Variants in CSMD1 observed in about 807,000 individuals in gnomAD.
CSMD1 encodes the protein CUB and sushi domain-containing protein 1.
A neutral mutation model predicts 417.5 loss-of-function variants in CSMD1; 213 were observed. The observed-to-expected ratio is 0.51, with a 90% confidence interval of 0.46 to 0.57. The LOEUF (loss-of-function observed/expected upper bound fraction) is 0.57, where lower values mean the gene tolerates loss of function less well. Ranked by LOEUF, CSMD1 falls within the 20% of genes least tolerant of loss-of-function variation. The pLI is 0.00. For synonymous variants in CSMD1, 2,862 were observed against 1,736.8 expected, an observed-to-expected ratio of 1.65 and a Z score of -16.11; for missense variants, 6,923 against 4,529.7, an observed-to-expected ratio of 1.53 and a Z score of -15.17.
At chr8:3,583,866 A>T (rs1307536705) in intron 9 of CSMD1, among the ~76,000 whole-genome samples, 2 of 151,838 alleles carry the variant, frequency 1.3e-5, no homozygotes, top group Non-Finnish European at 2.9e-5. Context: ...AGGGTTTCTT[A>T]TCCATCTTAT....
intron 5 of CSMD1, among the ~76,000 whole-genome samples, chr8:3,969,061 G>T (rs776893908): frequency 6.6e-6 from 1 of 152,110 alleles, no homozygotes; most frequent in East Asian, 1.9e-4. Context: ...GACCAGCCTG[G>T]ACAACATGGT....
chr8:3,530,806 G>A (rs1304388688), intron 10 of CSMD1, among the ~76,000 whole-genome samples: 1 of 151,710 alleles, frequency 6.6e-6, no homozygotes, highest in African/African-American at 2.4e-5. Flanking sequence ...TACTATTACA[G>A]GCATGAGCCA....
intron 2 of CSMD1, among the ~76,000 whole-genome samples, chr8:4,459,585 G>A (rs150954332): frequency 6.6e-6 from 1 of 152,216 alleles, no homozygotes; most frequent in Non-Finnish European, 1.5e-5. Context: ...GGAATGGCTA[G>A]TCTAAGATAA....
intron 49 of CSMD1, among the ~76,000 whole-genome samples, chr8:3,065,339 A>C (rs574196609): frequency 1.2e-4 from 19 of 152,168 alleles, no homozygotes; most frequent in African/African-American, 4.6e-4. Context: ...AACAGATAGA[A>C]AGATAGATAC....
chr8:4,504,114 G>C (rs1802401031), intron 2 of CSMD1, among the ~76,000 whole-genome samples: 1 of 152,070 alleles, frequency 6.6e-6, no homozygotes, highest in East Asian at 1.9e-4. Flanking sequence ...AAGAAAATGT[G>C]GTGTATATAT....
intron 43 of CSMD1, among the ~76,000 whole-genome samples, chr8:3,109,509 G>A (rs900583061): frequency 1.3e-5 from 2 of 152,094 alleles, no homozygotes; most frequent in Non-Finnish European, 2.9e-5. Context: ...CTCAAAGCCA[G>A]TCTCCTTTCT....
chr8:3,393,096 C>T (rs1015236166), intron 17 of CSMD1, among the ~76,000 whole-genome samples: 1 of 152,130 alleles, frequency 6.6e-6, no homozygotes, highest in Non-Finnish European at 1.5e-5. Flanking sequence ...AAGAAGTGAT[C>T]CCAAGTCAAG....
At chr8:4,596,336 G>A (rs142086106) in intron 2 of CSMD1, among the ~76,000 whole-genome samples, 40 of 152,212 alleles carry the variant, frequency 2.6e-4, no homozygotes, top group African/African-American at 8.2e-4. Context: ...GTTCAAAAAC[G>A]AAACCTCCTC....
intron 2 of CSMD1, among the ~76,000 whole-genome samples, chr8:4,627,356 A>T (rs909077244): frequency 1.3e-5 from 2 of 152,138 alleles, no homozygotes; most frequent in African/African-American, 2.4e-5. Context: ...AATCTGGGAA[A>T]CTATTTATAG....
intron 5 of CSMD1, among the ~76,000 whole-genome samples, chr8:3,769,295 T>A (rs1211305397): frequency 6.6e-6 from 1 of 152,122 alleles, no homozygotes; most frequent in Non-Finnish European, 1.5e-5. Context: ...TAAATAGTGG[T>A]CTTTAGTTAA....
At chr8:4,102,317 A>T (rs1388929326) in intron 3 of CSMD1, among the ~76,000 whole-genome samples, 1 of 152,164 alleles carries the variant, frequency 6.6e-6, no homozygotes, top group African/African-American at 2.4e-5. Flanking sequence ...TTTTTCTATT[A>T]ATTTTAAACA....
chr8:4,519,728 G>C (rs1027639132), intron 2 of CSMD1, among the ~76,000 whole-genome samples: 1 of 97,686 alleles, frequency 1.0e-5, no homozygotes, highest in Non-Finnish European at 1.8e-5. Context: ...AGGCAGCAGA[G>C]TCAGACTTCA....
At chr8:4,856,055 CA>C (rs1448252930) in intron 1 of CSMD1, among the ~76,000 whole-genome samples, 1 of 152,172 alleles carries the variant, frequency 6.6e-6, no homozygotes, top group Non-Finnish European at 1.5e-5. Flanking sequence ...ATCAGAGTAA[CA>C]GCGGATCTCT....
intron 3 of CSMD1, among the ~76,000 whole-genome samples, chr8:4,088,439 A>C (rs2130838696): frequency 6.6e-6 from 1 of 152,326 alleles, no homozygotes; most frequent in African/African-American, 2.4e-5. Context: ...TGAATTTCTC[A>C]GCCTCTGTCT....
chr8:3,774,874 G>T (rs890670118), intron 5 of CSMD1, among the ~76,000 whole-genome samples: 2 of 152,118 alleles, frequency 1.3e-5, no homozygotes, highest in Non-Finnish European at 2.9e-5. Flanking sequence ...CACACAGAGT[G>T]CTGAGCCCAT....
chr8:3,916,932 G>A (rs1808869504), intron 5 of CSMD1, among the ~76,000 whole-genome samples: 2 of 151,942 alleles, frequency 1.3e-5, no homozygotes, highest in Non-Finnish European at 2.9e-5. Flanking sequence ...ATAATAATCT[G>A]CACTAAAAGC....
At chr8:4,546,305 G>A (rs770842036) in intron 2 of CSMD1, among the ~76,000 whole-genome samples, 9 of 152,098 alleles carry the variant, frequency 5.9e-5, no homozygotes, top group Non-Finnish European at 8.8e-5. Flanking sequence ...GGCCATTTAT[G>A]ATGGTAAATT....
At chr8:4,047,120 G>C (rs186364873) in intron 3 of CSMD1, among the ~76,000 whole-genome samples, 127 of 152,276 alleles carry the variant, frequency 8.3e-4, no homozygotes, top group African/African-American at 3.0e-3. Flanking sequence ...TTCAATGGAA[G>C]CTGTGGAAGA....
At chr8:3,552,102 G>T (rs1015442392) in intron 10 of CSMD1, among the ~76,000 whole-genome samples, 3 of 152,146 alleles carry the variant, frequency 2.0e-5, no homozygotes, top group African/African-American at 7.2e-5. Flanking sequence ...AACAATGAGA[G>T]GAAAAAATCT....
Sources: allele counts gnomAD v4.1 joint callset (sites outside exome capture counted in the v4.1 genomes callset), GRCh38; gene constraint gnomAD v4.1.1; transcripts MANE v1.5; gene names NCBI Gene and HGNC (gene_info 2026-07-23, HGNC 2026-07-21).